ADAM20: variants seen among roughly 807,000 people sequenced by gnomAD.
ADAM20 encodes the protein ADAM metallopeptidase domain 20.
For synonymous variants in ADAM20, 305 were observed against 310.2 expected, an observed-to-expected ratio of 0.98 and a Z score of 0.18; for missense variants, 871 against 883.2, an observed-to-expected ratio of 0.99 and a Z score of 0.18.
upstream of ADAM20, chr14:70,535,133 A>T (rs1303182790): frequency 6.6e-6 from 1 of 152,252 alleles, no homozygotes; most frequent in Non-Finnish European, 1.5e-5. Context: ...TGTGATAATT[A>T]CTATGAGTAC....
chr14:70,572,303 C>T, the ADAM20 span, among the ~76,000 whole-genome samples: 1 of 152,214 alleles, frequency 6.6e-6, no homozygotes, highest in Non-Finnish European at 1.5e-5. Flanking sequence ...CACACCTCTA[C>T]AACCATCTGA....
the ADAM20 span, among the ~76,000 whole-genome samples, chr14:70,554,753 G>A: frequency 6.6e-6 from 1 of 151,814 alleles, no homozygotes; most frequent in Non-Finnish European, 1.5e-5. Context: ...AGGGGTAGGA[G>A]GAAATGGGAA....
At chr14:70,527,597 G>GC (rs1883617377) in intron 1 of ADAM20, among the ~76,000 whole-genome samples, 1 of 151,976 alleles carries the variant, frequency 6.6e-6, no homozygotes, top group South Asian at 2.1e-4. Flanking sequence ...GGTCTGTATT[G>GC]CCCCCTCAAA....
chr14:70,525,556 C>A (rs1301060117), intron 1 of ADAM20, among the ~76,000 whole-genome samples: 1 of 152,066 alleles, frequency 6.6e-6, no homozygotes, highest in Non-Finnish European at 1.5e-5. Flanking sequence ...GATTCTGACA[C>A]AAATCTTTCT....
the ADAM20 span, among the ~76,000 whole-genome samples, chr14:70,554,058 A>G: frequency 6.6e-6 from 1 of 152,220 alleles, no homozygotes; most frequent in African/African-American, 2.4e-5. Flanking sequence ...CCAAAAAACT[A>G]TTAGAACTGA....
chr14:70,553,836 A>C, the ADAM20 span, among the ~76,000 whole-genome samples: 1 of 152,194 alleles, frequency 6.6e-6, no homozygotes, highest in Non-Finnish European at 1.5e-5. Flanking sequence ...AGCATCATGA[A>C]TGGGGAAAAA....
the ADAM20 span, among the ~76,000 whole-genome samples, chr14:70,572,806 T>C: frequency 6.6e-6 from 1 of 151,776 alleles, no homozygotes; most frequent in African/African-American, 2.4e-5. Flanking sequence ...TCAAAGGACA[T>C]ACAAGCAGCC....
the ADAM20 span, among the ~76,000 whole-genome samples, chr14:70,559,407 T>C: frequency 6.6e-6 from 1 of 152,156 alleles, no homozygotes; most frequent in African/African-American, 2.4e-5. Flanking sequence ...CCCATCATTA[T>C]CACCCTGGTC....
the ADAM20 span, among the ~76,000 whole-genome samples, chr14:70,543,631 T>A: frequency 6.6e-6 from 1 of 152,204 alleles, no homozygotes; most frequent in Non-Finnish European, 1.5e-5. Flanking sequence ...CCTTTCCTAA[T>A]AATATGCCTA....
chr14:70,579,034 G>T, the ADAM20 span, among the ~76,000 whole-genome samples: 9 of 152,206 alleles, frequency 5.9e-5, no homozygotes, highest in Admixed American at 3.9e-4. Context: ...CACTTTTATG[G>T]CTGCATAGTA....
In ADAM20 at chr14:70,523,899, G is replaced by A. The variant is rs1228296276; in HGVS notation, c.859C>T (p.Leu287Phe). ...EDFSIWKNYN[L>F]NNRLQHDVAH... ...ACATCATGTTGTAGTCGATTATTAA[G>A]GTTATAATTCTTCCAAATAGAAAAG... The change falls in exon 2 of 2, where the codon CTT (leucine) becomes TTT (phenylalanine). Residue 287 changes from leucine to phenylalanine, a missense_variant. Coordinates refer to ENST00000256389, the MANE Select transcript of ADAM20 (RefSeq NM_003814.5). 3.1e-6 allele frequency: 5 copies of A among 1,613,804 alleles called. No individual in the cohort carries two copies. Among genetic ancestry groups the A allele is most frequent in the Non-Finnish European group, 3.4e-6 (4 of 1,179,938 alleles).
the ADAM20 span, among the ~76,000 whole-genome samples, chr14:70,544,085 C>T: frequency 6.6e-6 from 1 of 151,890 alleles, no homozygotes; most frequent in African/African-American, 2.4e-5. Context: ...GGAGAGATGT[C>T]AGCCCCAAGA....
the ADAM20 span, among the ~76,000 whole-genome samples, chr14:70,543,357 T>G: frequency 1.3e-5 from 2 of 152,220 alleles, no homozygotes; most frequent in African/African-American, 2.4e-5. Flanking sequence ...AGAATCTCAA[T>G]TACTGTAGCA....
chr14:70,546,298 T>G, the ADAM20 span, among the ~76,000 whole-genome samples: 12 of 152,250 alleles, frequency 7.9e-5, no homozygotes, highest in African/African-American at 2.9e-4. Flanking sequence ...TTTGCCAAGT[T>G]TGAGGATGTG....
At chr14:70,564,767 C>T in the ADAM20 span, among the ~76,000 whole-genome samples, 1,160 of 125,612 alleles carry the variant, frequency 9.2e-3, 20 homozygotes, top group African/African-American at 0.033. Flanking sequence ...TTTTTTTTAG[C>T]CAGGCACAGT....
the ADAM20 span, among the ~76,000 whole-genome samples, chr14:70,568,689 A>G: frequency 6.6e-6 from 1 of 152,180 alleles, no homozygotes; most frequent in Non-Finnish European, 1.5e-5. Flanking sequence ...AACAAATAGA[A>G]CTTCTGAAAT....
At chr14:70,545,318 C>A in the ADAM20 span, among the ~76,000 whole-genome samples, 1 of 152,204 alleles carries the variant, frequency 6.6e-6, no homozygotes, top group Non-Finnish European at 1.5e-5. Context: ...CCACCTGGCA[C>A]AGAGAATCTG....
At chr14:70,569,910 A>C in the ADAM20 span, among the ~76,000 whole-genome samples, 11 of 141,546 alleles carry the variant, frequency 7.8e-5, no homozygotes, top group Non-Finnish European at 1.4e-4. Flanking sequence ...AAAAAAAAAA[A>C]AAAACACTCT....
At chr14:70,530,594 G>A (rs1379414413) in intron 1 of ADAM20, among the ~76,000 whole-genome samples, 1 of 152,066 alleles carries the variant, frequency 6.6e-6, no homozygotes, top group Non-Finnish European at 1.5e-5. Flanking sequence ...GCATTACGAT[G>A]TGACATTAGA....
Sources: allele counts gnomAD v4.1 joint callset (sites outside exome capture counted in the v4.1 genomes callset), GRCh38; gene constraint gnomAD v4.1.1; transcripts MANE v1.5; gene names NCBI Gene and HGNC (gene_info 2026-07-23, HGNC 2026-07-21).